The following SGCD variants were observed in gnomAD, a reference collection of about 807,000 sequenced individuals.
The protein encoded by SGCD is sarcoglycan delta, also known as delta-sarcoglycan.
In SGCD, 18 loss-of-function variants were observed where a neutral mutation model predicts 36.6. The observed-to-expected ratio is 0.49, with a 90% CI of 0.34 to 0.73. The LOEUF is 0.73. Ranked by LOEUF, SGCD falls within the 30% of genes least tolerant of loss-of-function variation. The pLI is 0.01. For missense variants in SGCD, 387 were observed against 346.7 expected (o/e 1.12, Z -0.92); for synonymous variants, 133 against 130.6 (o/e 1.02, Z -0.12).
At chr5:155,877,815 GC>G (rs1755797312) in intron 1 of SGCD, among the ~76,000 whole-genome samples, 1 of 152,046 alleles carries the variant, frequency 6.6e-6, no homozygotes, top group Admixed American at 6.6e-5. Flanking sequence ...AAATCTTATT[GC>G]TGCAAGACTT....
At chr5:156,145,515 C>T (rs1762689526) in intron 3 of SGCD, among the ~76,000 whole-genome samples, 1 of 151,834 alleles carries the variant, frequency 6.6e-6, no homozygotes, top group Non-Finnish European at 1.5e-5. Flanking sequence ...ATTTTTAGGC[C>T]CCTCTATATC....
the SGCD span, among the ~76,000 whole-genome samples, chr5:155,728,814 G>A: frequency 1.3e-5 from 2 of 152,286 alleles, no homozygotes; most frequent in Middle Eastern, 3.4e-3. Flanking sequence ...CCCCACCCGG[G>A]CGGCGCGCCC....
the SGCD span, among the ~76,000 whole-genome samples, chr5:155,826,386 C>T: frequency 6.6e-6 from 1 of 152,158 alleles, no homozygotes; most frequent in African/African-American, 2.4e-5. Flanking sequence ...ATTTTACTTA[C>T]TATACTTACA....
chr5:156,011,809 A>G (rs185269911), intron 1 of SGCD, among the ~76,000 whole-genome samples: 6 of 152,210 alleles, frequency 3.9e-5, no homozygotes, highest in African/African-American at 1.4e-4. Flanking sequence ...CTGTAAATCC[A>G]GATCTCTCAC....
intron 7 of SGCD, among the ~76,000 whole-genome samples, chr5:156,696,948 ACACACACACACAC>A (rs1754343691): frequency 6.7e-6 from 1 of 148,252 alleles, no homozygotes; most frequent in South Asian, 2.2e-4. Context: ...ACACACACAC[ACACACACACACAC>A]ACTTCACCAT....
At chr5:156,048,458 A>G (rs1241385054) in intron 1 of SGCD, among the ~76,000 whole-genome samples, 2 of 152,116 alleles carry the variant, frequency 1.3e-5, no homozygotes, top group Admixed American at 6.6e-5. Flanking sequence ...AAGTGTTCCT[A>G]TTTCTCCACA....
At chr5:156,734,166 T>A (rs1159399255) in intron 7 of SGCD, among the ~76,000 whole-genome samples, 1 of 152,066 alleles carries the variant, frequency 6.6e-6, no homozygotes, top group Non-Finnish European at 1.5e-5. Flanking sequence ...TATGAAGAAT[T>A]CTAGGTTGGA....
chr5:156,455,329 A>G (rs1754207061), intron 3 of SGCD, among the ~76,000 whole-genome samples: 2 of 152,154 alleles, frequency 1.3e-5, no homozygotes, highest in South Asian at 4.1e-4. Context: ...TCATGTCTGC[A>G]TTCCTAGCAC....
chr5:156,542,903 C>A (rs1010980509), intron 4 of SGCD, among the ~76,000 whole-genome samples: 1 of 152,166 alleles, frequency 6.6e-6, no homozygotes, highest in Non-Finnish European at 1.5e-5. Flanking sequence ...CCAGGCACCC[C>A]TTCATAGTCT....
intron 1 of SGCD, among the ~76,000 whole-genome samples, chr5:155,898,423 T>G (rs897752672): frequency 6.6e-6 from 1 of 152,184 alleles, no homozygotes; most frequent in African/African-American, 2.4e-5. Context: ...AATAGGGAGT[T>G]CATAGTCTTT....
At chr5:156,083,990 A>C (rs1016356177) in intron 1 of SGCD, among the ~76,000 whole-genome samples, 2 of 152,190 alleles carry the variant, frequency 1.3e-5, no homozygotes, top group East Asian at 3.9e-4. Flanking sequence ...TCACATTGCT[A>C]TGATTACTTA....
At chr5:155,947,170 C>A (rs1757454404) in intron 1 of SGCD, among the ~76,000 whole-genome samples, 1 of 151,972 alleles carries the variant, frequency 6.6e-6, no homozygotes, top group Non-Finnish European at 1.5e-5. Flanking sequence ...GGCATTGATG[C>A]TTTATTTGTA....
At chr5:155,907,455 T>C (rs1756542836) in intron 1 of SGCD, among the ~76,000 whole-genome samples, 1 of 152,070 alleles carries the variant, frequency 6.6e-6, no homozygotes, top group Non-Finnish European at 1.5e-5. Flanking sequence ...CTGAGCAAAA[T>C]AAATTAAAAA....
At chr5:156,117,552 A>G (rs934756002) in intron 1 of SGCD, among the ~76,000 whole-genome samples, 2 of 152,180 alleles carry the variant, frequency 1.3e-5, no homozygotes, top group African/African-American at 4.8e-5. Flanking sequence ...ATCATTTGAC[A>G]ATGAATATTG....
chr5:156,567,061 C>T (rs958506872), intron 4 of SGCD, among the ~76,000 whole-genome samples: 1 of 152,184 alleles, frequency 6.6e-6, no homozygotes, highest in African/African-American at 2.4e-5. Context: ...TGATCCTATA[C>T]TTCAGAGCCA....
chr5:156,166,321 CT>C (rs892367297), intron 3 of SGCD, among the ~76,000 whole-genome samples: 9 of 149,498 alleles, frequency 6.0e-5, no homozygotes, highest in Middle Eastern at 3.4e-3. Flanking sequence ...TACTCCATAA[CT>C]TTTTTTTTTA....
chr5:155,954,588 T>C (rs891959610), intron 1 of SGCD, among the ~76,000 whole-genome samples: 1 of 148,710 alleles, frequency 6.7e-6, no homozygotes, highest in Non-Finnish European at 1.5e-5. Flanking sequence ...TTGGGTTAAA[T>C]GACTAGAATA....
intron 4 of SGCD, among the ~76,000 whole-genome samples, chr5:156,516,846 A>T (rs1417062079): frequency 2.6e-5 from 4 of 152,090 alleles, no homozygotes; most frequent in Admixed American, 1.3e-4. Flanking sequence ...AAAGTACAAA[A>T]ATTAGCCAGG....
chr5:156,204,002 T>C (rs916891384), intron 3 of SGCD, among the ~76,000 whole-genome samples: 12 of 152,274 alleles, frequency 7.9e-5, no homozygotes, highest in African/African-American at 2.9e-4. Flanking sequence ...AAGTCCAAGT[T>C]CTCATCAAAC....
Sources: gnomAD v4.1 joint callset for allele counts (sites outside exome capture counted in the v4.1 genomes callset) on GRCh38, gnomAD v4.1.1 for gene constraint, MANE v1.5 for transcripts, NCBI Gene and HGNC (gene_info 2026-07-23, HGNC 2026-07-21) for gene names.